Variants in SLC35F1 observed in about 807,000 individuals in gnomAD.
SLC35F1 encodes the protein chromosome 6 open reading frame 169.
SLC35F1 carries 14 observed loss-of-function variants against 48.7 expected under a neutral mutation model. The observed-to-expected ratio is 0.29, with a 90% CI of 0.19 to 0.45. SLC35F1 has a LOEUF of 0.45. Among genes scored for constraint, SLC35F1 ranks in the 20% least tolerant of loss-of-function variants. The probability of loss-of-function intolerance (pLI) is 1.00; values close to 1 mark genes in which losing one functional copy is unlikely to be tolerated. For missense variants in SLC35F1, 404 were observed against 500.0 expected, an observed-to-expected ratio of 0.81 and a Z score of 1.83; for synonymous variants, 190 against 202.2, an observed-to-expected ratio of 0.94 and a Z score of 0.51.
chr6:118,285,919 A>G (rs1016571750), intron 7 of SLC35F1, among the ~76,000 whole-genome samples: 8 of 152,334 alleles, frequency 5.3e-5, no homozygotes, highest in Non-Finnish European at 1.0e-4. Flanking sequence ...GAAACTGTCC[A>G]GTCCAAAGAT....
At chr6:118,235,349 A>C (rs1200102866) in intron 2 of SLC35F1, among the ~76,000 whole-genome samples, 160 bp from the exon 3 acceptor site, 2 of 152,102 alleles carry the variant, frequency 1.3e-5, no homozygotes, top group Non-Finnish European at 2.9e-5. Context: ...TTTGCTAAAT[A>C]AAAACATGTG....
In SLC35F1 at chr6:118,275,673, C is replaced by A. The variant is rs1353620678; in HGVS notation, c.794+58C>A. On this transcript the variant is annotated intron_variant, in intron 5 of 7. Transcript: ENST00000360388. ...GAGGGACTGTCAAGACTTATTCTTA[C>A]AATTTTTGTTCTTGGGATGTAAAAA... 1.5e-5 allele frequency: 23 copies of A among 1,535,322 alleles called. No homozygotes were observed. The African/African-American group carries it at 2.4e-4, about 16-fold the overall frequency.
At chr6:118,001,935 A>G (rs986153304) in intron 1 of SLC35F1, among the ~76,000 whole-genome samples, 2 of 149,956 alleles carry the variant, frequency 1.3e-5, no homozygotes, top group Non-Finnish European at 3.0e-5. Context: ...GGCAATCATT[A>G]AAAAGTCAGG....
At chr6:118,047,538 T>A (rs1318627015) in intron 1 of SLC35F1, among the ~76,000 whole-genome samples, 3 of 152,184 alleles carry the variant, frequency 2.0e-5, no homozygotes, top group Non-Finnish European at 2.9e-5. Context: ...CTTAAAACAT[T>A]TCTTCCAAGG....
intron 1 of SLC35F1, among the ~76,000 whole-genome samples, chr6:118,001,811 A>C (rs9481757): frequency 0.24 from 36,139 of 151,896 alleles, 4,438 homozygotes; most frequent in East Asian, 0.3. Flanking sequence ...GACGCTTCTC[A>C]AAAGAAGACA....
At chr6:118,214,647 G>A (rs1775049114) in intron 2 of SLC35F1, among the ~76,000 whole-genome samples, 1 of 152,162 alleles carries the variant, frequency 6.6e-6, no homozygotes, top group South Asian at 2.1e-4. Context: ...GAAACTTGTA[G>A]ATGAGGACCT....
chr6:118,185,828 T>A (rs1379182360), intron 2 of SLC35F1, among the ~76,000 whole-genome samples: 1 of 152,136 alleles, frequency 6.6e-6, no homozygotes, highest in Non-Finnish European at 1.5e-5. Context: ...TGTCAAAGAT[T>A]GGGGTTTTTT....
At chr6:118,104,728 G>A (rs1773306347) in intron 1 of SLC35F1, among the ~76,000 whole-genome samples, 2 of 152,068 alleles carry the variant, frequency 1.3e-5, no homozygotes, top group Non-Finnish European at 1.5e-5. Context: ...GCTTTGGACC[G>A]GAGAATGTCA....
intron 7 of SLC35F1, among the ~76,000 whole-genome samples, chr6:118,297,310 A>G (rs1378297978): frequency 6.6e-6 from 1 of 152,096 alleles, no homozygotes; most frequent in Non-Finnish European, 1.5e-5. Flanking sequence ...TTCTGAATTT[A>G]TTTTGATTAA....
At chr6:117,976,347 T>C (rs1248608606) in intron 1 of SLC35F1, among the ~76,000 whole-genome samples, 1 of 152,220 alleles carries the variant, frequency 6.6e-6, no homozygotes. Context: ...ATTGGCTTTC[T>C]TCCTTTTTAG....
chr6:118,199,355 A>G (rs1324109746), intron 2 of SLC35F1, among the ~76,000 whole-genome samples: 4 of 152,310 alleles, frequency 2.6e-5, no homozygotes, highest in Non-Finnish European at 5.9e-5. Flanking sequence ...AGGTAAACTC[A>G]TACTGTGTGT....
chr6:117,919,099 A>G (rs767166439), intron 1 of SLC35F1, among the ~76,000 whole-genome samples: 4 of 152,012 alleles, frequency 2.6e-5, no homozygotes, highest in South Asian at 2.1e-4. Context: ...TGGTCTTGCA[A>G]TGTTCCCCAG....
intron 1 of SLC35F1, among the ~76,000 whole-genome samples, chr6:117,958,197 G>A (rs1776451307): frequency 6.6e-6 from 1 of 151,998 alleles, no homozygotes; most frequent in Non-Finnish European, 1.5e-5. Flanking sequence ...ATAGAATAAA[G>A]ATATAAATAC....
At chr6:117,916,518 C>T (rs1475073178) in intron 1 of SLC35F1, among the ~76,000 whole-genome samples, 1 of 152,070 alleles carries the variant, frequency 6.6e-6, no homozygotes, top group Non-Finnish European at 1.5e-5. Flanking sequence ...AAATCTGTAC[C>T]TATAAGGTGA....
chr6:118,121,719 C>T (rs1440641557), intron 1 of SLC35F1, among the ~76,000 whole-genome samples: 2 of 152,126 alleles, frequency 1.3e-5, no homozygotes, highest in East Asian at 3.9e-4. Context: ...CTAAGTTTAT[C>T]TTTTGTATGG....
At chr6:118,041,464 T>G (rs1772218670) in intron 1 of SLC35F1, among the ~76,000 whole-genome samples, 1 of 152,152 alleles carries the variant, frequency 6.6e-6, no homozygotes, top group African/African-American at 2.4e-5. Context: ...TAATACTTAT[T>G]ATTAATAAAT....
intron 5 of SLC35F1, among the ~76,000 whole-genome samples, chr6:118,276,101 G>A (rs1384203595): frequency 6.6e-6 from 1 of 152,114 alleles, no homozygotes. Context: ...TTAGAATTTA[G>A]CATTTCTATT....
chr6:118,114,550 G>C (rs1339025413), intron 1 of SLC35F1, among the ~76,000 whole-genome samples: 3 of 142,156 alleles, frequency 2.1e-5, no homozygotes, highest in Non-Finnish European at 4.7e-5. Context: ...TTTTTTTTTT[G>C]TATTTTTAGT....
chr6:118,253,168 A>G (rs888367978), intron 3 of SLC35F1, among the ~76,000 whole-genome samples: 4 of 152,146 alleles, frequency 2.6e-5, no homozygotes, highest in African/African-American at 9.7e-5. Flanking sequence ...AAGAGACATT[A>G]TGGCAAAATC....
Sources: allele counts gnomAD v4.1 joint callset (sites outside exome capture counted in the v4.1 genomes callset), GRCh38; gene constraint gnomAD v4.1.1; transcripts MANE v1.5; gene names NCBI Gene and HGNC (gene_info 2026-07-23, HGNC 2026-07-21).